COL5A2: variants seen among roughly 807,000 people sequenced by gnomAD.
COL5A2 encodes collagen type V alpha 2 chain, also known as collagen alpha-2(V) chain.
Under a neutral mutation model 208.2 loss-of-function variants are expected in COL5A2, and 23 were observed. The observed-to-expected ratio is 0.11, with a 90% CI of 0.08 to 0.16. The LOEUF (loss-of-function observed/expected upper bound fraction) is 0.16, where lower values mean the gene tolerates loss of function less well. Among genes scored for constraint, COL5A2 ranks in the 10% least tolerant of loss-of-function variants. The pLI, the probability that COL5A2 is intolerant of heterozygous loss-of-function variation, is 1.00. For missense variants in COL5A2, 1,590 were observed against 1,956.4 expected, an observed-to-expected ratio of 0.81 and a Z score of 3.53; for synonymous variants, 625 against 628.5, an observed-to-expected ratio of 0.99 and a Z score of 0.08.
At chr2:189,213,724 A>G (rs1689244577) in intron 1 of COL5A2, among the ~76,000 whole-genome samples, 1 of 152,198 alleles carries the variant, frequency 6.6e-6, no homozygotes, top group Non-Finnish European at 1.5e-5. Flanking sequence ...GTGAACCCCA[A>G]TGCCTATAAA....
chr2:189,078,611 T>C, intron 15 of COL5A2, 42 bp from the exon 16 acceptor site: 1 of 1,522,000 alleles, frequency 6.6e-7, no homozygotes, highest in Non-Finnish European at 9.1e-7. Context: ...AGCACCTAAT[T>C]TGAAATGTAG....
chr2:189,385,462 G>C, the COL5A2 span, among the ~76,000 whole-genome samples: 1 of 152,198 alleles, frequency 6.6e-6, no homozygotes, highest in Non-Finnish European at 1.5e-5. Context: ...ACTGCTGAAA[G>C]AAACCAGAGG....
chr2:189,322,952 A>C, the COL5A2 span, among the ~76,000 whole-genome samples: 6 of 152,118 alleles, frequency 3.9e-5, no homozygotes, highest in South Asian at 1.3e-3. Flanking sequence ...TGAATCCAGC[A>C]GCACAAAAAG....
intron 2 of COL5A2, among the ~76,000 whole-genome samples, chr2:189,109,020 T>C (rs753130951): frequency 1.3e-5 from 2 of 151,662 alleles, no homozygotes; most frequent in South Asian, 4.2e-4. Flanking sequence ...AATTTTCACA[T>C]GGTCTATAGC....
At chr2:189,362,978 T>C in the COL5A2 span, among the ~76,000 whole-genome samples, 2 of 152,010 alleles carry the variant, frequency 1.3e-5, no homozygotes, top group Admixed American at 6.6e-5. Flanking sequence ...ATAGAAGATA[T>C]GCATAAGTTC....
intron 1 of COL5A2, among the ~76,000 whole-genome samples, chr2:189,177,953 T>C (rs996307896): frequency 6.6e-6 from 1 of 152,200 alleles, no homozygotes; most frequent in African/African-American, 2.4e-5. Context: ...TTAAAGGTTT[T>C]AAATTAAAGT....
intron 44 of COL5A2, 28 bp from the exon 45 acceptor site, chr2:189,048,290 A>G (rs373265348): frequency 3.1e-6 from 5 of 1,604,604 alleles, no homozygotes; most frequent in African/African-American, 1.3e-5. Context: ...TTGAAAAACT[A>G]CTTAACTGAG....
chr2:189,266,582 A>G, the COL5A2 span, among the ~76,000 whole-genome samples: 1 of 152,190 alleles, frequency 6.6e-6, no homozygotes, highest in Non-Finnish European at 1.5e-5. Flanking sequence ...ATCTAGATAC[A>G]GAAAGTAGAT....
chr2:189,284,392 A>G, the COL5A2 span, among the ~76,000 whole-genome samples: 1 of 152,190 alleles, frequency 6.6e-6, no homozygotes, highest in African/African-American at 2.4e-5. Context: ...TATAGGAAGC[A>G]TGGCTGGGAG....
chr2:189,267,617 T>G, the COL5A2 span, among the ~76,000 whole-genome samples: 1 of 152,138 alleles, frequency 6.6e-6, no homozygotes, highest in African/African-American at 2.4e-5. Context: ...GGAATGAGGA[T>G]ACTGAATGTG....
the COL5A2 span, among the ~76,000 whole-genome samples, chr2:189,334,280 T>C: frequency 6.6e-6 from 1 of 151,742 alleles, no homozygotes; most frequent in African/African-American, 2.4e-5. Flanking sequence ...AAAAGAAAAA[T>C]AGCCAAAATA....
the COL5A2 span, among the ~76,000 whole-genome samples, chr2:189,380,179 A>T: frequency 1.3e-5 from 2 of 152,082 alleles, no homozygotes; most frequent in Admixed American, 1.3e-4. Flanking sequence ...ATGGAATGGG[A>T]TAATAATAGG....
chr2:189,095,051 A>G (rs911982840), intron 6 of COL5A2: 1 of 151,530 alleles, frequency 6.6e-6, no homozygotes, highest in African/African-American at 2.4e-5. Context: ...CCTACAATGC[A>G]TATGGAATTA....
chr2:189,112,309 T>C (rs1266947283), intron 1 of COL5A2, among the ~76,000 whole-genome samples: 1 of 152,230 alleles, frequency 6.6e-6, no homozygotes, highest in Non-Finnish European at 1.5e-5. Flanking sequence ...GATGTTTTAA[T>C]GTAGTTGTAA....
chr2:189,202,313 T>C (rs1689089185), intron 1 of COL5A2, among the ~76,000 whole-genome samples: 1 of 152,050 alleles, frequency 6.6e-6, no homozygotes. Context: ...TTAAATGTAA[T>C]TCACAGAAAA....
the COL5A2 span, among the ~76,000 whole-genome samples, chr2:189,283,615 C>CA: frequency 1.4e-3 from 196 of 145,066 alleles, no homozygotes; most frequent in Non-Finnish European, 2.1e-3. Flanking sequence ...GATCTTGAAA[C>CA]AAAAAAAAAG....
chr2:189,332,485 G>T, the COL5A2 span, among the ~76,000 whole-genome samples: 3 of 152,174 alleles, frequency 2.0e-5, no homozygotes, highest in Non-Finnish European at 4.4e-5. Context: ...ATGTGTTGTG[G>T]GAGGGACCTG....
At chr2:189,200,624 A>T (rs1327519975) in intron 1 of COL5A2, among the ~76,000 whole-genome samples, 2 of 146,430 alleles carry the variant, frequency 1.4e-5, no homozygotes, top group Non-Finnish European at 3.0e-5. Flanking sequence ...TACTGATTCA[A>T]GTAGCTCAGA....
At chr2:189,119,195 T>C (rs1331743742) in intron 1 of COL5A2, among the ~76,000 whole-genome samples, 3 of 152,042 alleles carry the variant, frequency 2.0e-5, no homozygotes, top group Non-Finnish European at 2.9e-5. Flanking sequence ...AAGCTCTTCA[T>C]TGGGTAATTT....
Sources: gnomAD v4.1 joint callset for allele counts (sites outside exome capture counted in the v4.1 genomes callset) on GRCh38, gnomAD v4.1.1 for gene constraint, MANE v1.5 for transcripts, NCBI Gene and HGNC (gene_info 2026-07-23, HGNC 2026-07-21) for gene names.